The following ATG10 variants were observed in gnomAD, a reference collection of about 807,000 sequenced individuals.
The protein encoded by ATG10 is ubiquitin-like-conjugating enzyme ATG10.
Under a neutral mutation model 32.1 loss-of-function variants are expected in ATG10, and 30 were observed. The observed-to-expected ratio is 0.94, with a 90% CI of 0.70 to 1.27. The LOEUF (loss-of-function observed/expected upper bound fraction) is 1.27, where lower values mean the gene tolerates loss of function less well. Among genes scored for constraint, ATG10 ranks in the 50% most tolerant of loss-of-function variants. The pLI is 0.00. For synonymous variants in ATG10, 87 were observed against 91.5 expected (o/e 0.95, Z 0.28); for missense variants, 233 against 262.3 (o/e 0.89, Z 0.77).
chr5:82,058,146 A>G (rs1472645075), intron 2 of ATG10, among the ~76,000 whole-genome samples: 2 of 152,176 alleles, frequency 1.3e-5, no homozygotes, highest in African/African-American at 2.4e-5. Context: ...ATTGTTCTCT[A>G]TGTGTATGCC....
At chr5:82,065,565 T>G (rs2149760267) in intron 3 of ATG10, among the ~76,000 whole-genome samples, 1 of 152,252 alleles carries the variant, frequency 6.6e-6, no homozygotes, top group African/African-American at 2.4e-5. Context: ...ATATCTTATT[T>G]TATGTGACAC....
At chr5:82,060,167 A>G (rs1034106859) in intron 3 of ATG10, among the ~76,000 whole-genome samples, 1 of 152,190 alleles carries the variant, frequency 6.6e-6, no homozygotes, top group African/African-American at 2.4e-5. Context: ...CTCATAAAAT[A>G]TAATTTTTTT....
chr5:82,092,895 A>G (rs1249275994), intron 3 of ATG10, among the ~76,000 whole-genome samples: 1 of 152,198 alleles, frequency 6.6e-6, no homozygotes, highest in East Asian at 1.9e-4. Flanking sequence ...CTTGATATCC[A>G]AATGTTCTAC....
chr5:82,160,599 A>G (rs532828683), intron 3 of ATG10, among the ~76,000 whole-genome samples: 28 of 152,286 alleles, frequency 1.8e-4, no homozygotes, highest in African/African-American at 6.7e-4. Flanking sequence ...GAGGCTATAC[A>G]CTGTTTTATA....
chr5:82,031,722 A>G (rs1254452355), intron 2 of ATG10, among the ~76,000 whole-genome samples: 1 of 152,238 alleles, frequency 6.6e-6, no homozygotes, highest in Non-Finnish European at 1.5e-5. Flanking sequence ...AAGAGGTGGT[A>G]AAAGAAGGGC....
chr5:82,028,542 A>G (rs1762656331), intron 2 of ATG10, among the ~76,000 whole-genome samples: 1 of 152,200 alleles, frequency 6.6e-6, no homozygotes, highest in African/African-American at 2.4e-5. Context: ...ACTCTTGTGT[A>G]ATATACTTTT....
chr5:81,977,772 C>T (rs549047290), intron 1 of ATG10, among the ~76,000 whole-genome samples: 2 of 152,202 alleles, frequency 1.3e-5, no homozygotes, highest in African/African-American at 4.8e-5. Flanking sequence ...CCAGTTTTGC[C>T]AGGAAGTTTG....
rs184736395 is a variant in ATG10, at chr5:82,021,748, G to T, written c.108+34070G>T. ...ATACAAAATTAGCTGGGCGTGGCTG[G>T]GCACAGTGGCTCACGCCTGTAATCC... On this transcript the variant is annotated intron_variant, in intron 2 of 7. Coordinates refer to ENST00000282185, the MANE Select transcript of ATG10 (RefSeq NM_031482.5). 6.3e-3 allele frequency among the ~76,000 whole-genome samples: 960 copies of T among 152,072 alleles called. 4 individuals are homozygous for T. Among genetic ancestry groups the T allele is most frequent in the African/African-American group, 0.021 (865 of 41,494 alleles).
In ATG10 at chr5:82,132,422, AG is replaced by A. The variant is rs1339911429; in HGVS notation, c.217-31975del. On this transcript the variant is annotated intron_variant, in intron 3 of 7. Transcript: ENST00000282185. ...TCCCCTAGCCCCCCCACCCCATTAC[AG>A]GCCCCCGTGTGTGATGTTCCCCTCC... 1.5e-4 allele frequency among the ~76,000 whole-genome samples: 12 copies of A among 81,164 alleles called. No individual in the cohort carries two copies. In the East Asian group the frequency reaches 4.4e-3, roughly 29 times the overall value. 53.2% of individuals were successfully genotyped at this position (81,164 alleles called of 152,430 possible). A position where few individuals can be genotyped will look rare whatever the true frequency, so the allele number is the denominator to read the frequency against.
chr5:82,168,886 C>G (rs578042047), intron 4 of ATG10, among the ~76,000 whole-genome samples: 2 of 152,186 alleles, frequency 1.3e-5, no homozygotes, highest in African/African-American at 4.8e-5. Flanking sequence ...AGAATGACAG[C>G]AAAACAGGAA....
chr5:82,061,350 G>GTT (rs11383096), intron 3 of ATG10, among the ~76,000 whole-genome samples: 2,999 of 149,668 alleles, frequency 0.02, 55 homozygotes, highest in African/African-American at 0.045. Flanking sequence ...TTCTTAGAAT[G>GTT]TTTTTTTTTT....
chr5:82,169,175 A>G (rs1743705723), intron 4 of ATG10, among the ~76,000 whole-genome samples: 1 of 152,128 alleles, frequency 6.6e-6, no homozygotes, highest in Non-Finnish European at 1.5e-5. Flanking sequence ...TATGGAAGAG[A>G]TAATGGTTAG....
At chr5:82,139,977 G>A in intron 3 of ATG10, among the ~76,000 whole-genome samples, 1 of 133,280 alleles carries the variant, frequency 7.5e-6, no homozygotes, top group Middle Eastern at 5.4e-3. Flanking sequence ...CGCCCCGTCA[G>A]GGAGGTGAGG....
At chr5:82,119,294 C>G (rs1313069106) in intron 3 of ATG10, among the ~76,000 whole-genome samples, 1 of 151,986 alleles carries the variant, frequency 6.6e-6, no homozygotes, top group African/African-American at 2.4e-5. Flanking sequence ...AAAAATTTTG[C>G]TTTTCAATCT....
chr5:82,194,554 A>G (rs1561350681), intron 5 of ATG10, among the ~76,000 whole-genome samples: 1 of 151,594 alleles, frequency 6.6e-6, no homozygotes. Flanking sequence ...AGTTGCTCAG[A>G]AAAAAAAAGT....
chr5:82,240,598 A>G (rs1746747883), intron 5 of ATG10, among the ~76,000 whole-genome samples: 1 of 152,172 alleles, frequency 6.6e-6, no homozygotes. Context: ...GTTTGTTAGA[A>G]CAATAGGGTG....
intron 5 of ATG10, among the ~76,000 whole-genome samples, chr5:82,183,771 C>T (rs932386297): frequency 6.6e-6 from 1 of 152,138 alleles, no homozygotes; most frequent in Admixed American, 6.6e-5. Context: ...TTGATTCTTT[C>T]CCTTTGTGAG....
At chr5:82,218,086 C>CACACAT (rs1315817130) in intron 5 of ATG10, among the ~76,000 whole-genome samples, 5 of 151,412 alleles carry the variant, frequency 3.3e-5, no homozygotes, top group East Asian at 3.9e-4. Context: ...CACACACACA[C>CACACAT]ATCACACGTA....
At chr5:82,027,226 T>C (rs939646143) in intron 2 of ATG10, among the ~76,000 whole-genome samples, 1 of 151,874 alleles carries the variant, frequency 6.6e-6, no homozygotes, top group African/African-American at 2.4e-5. Flanking sequence ...TAGTGTGACC[T>C]CTTCTCTACA....
Sources: gnomAD v4.1 joint callset for allele counts (sites outside exome capture counted in the v4.1 genomes callset) on GRCh38, gnomAD v4.1.1 for gene constraint, MANE v1.5 for transcripts, NCBI Gene and HGNC (gene_info 2026-07-23, HGNC 2026-07-21) for gene names.